The following RERE variants were observed in gnomAD, a reference collection of about 807,000 sequenced individuals.
RERE encodes arginine-glutamic acid dipeptide repeats.
A neutral mutation model predicts 146.1 loss-of-function variants in RERE; 40 were observed. The ratio of observed to expected loss-of-function variants is 0.27; its 90% CI spans 0.21 to 0.36. The LOEUF is 0.36. RERE is among the 10% of genes least tolerant of loss of function. The pLI, the probability that RERE is intolerant of heterozygous loss-of-function variation, is 1.00. For missense variants in RERE, 1,933 were observed against 2,138.7 expected, an observed-to-expected ratio of 0.90 and a Z score of 1.90; for synonymous variants, 1,003 against 866.0, an observed-to-expected ratio of 1.16 and a Z score of -2.78.
At chr1:8,712,101 CA>C (rs1046127173) in intron 1 of RERE, among the ~76,000 whole-genome samples, 44 of 152,234 alleles carry the variant, frequency 2.9e-4, no homozygotes, top group Middle Eastern at 3.4e-3. Context: ...CAGAAGACTC[CA>C]GTTAAAAATA....
chr1:8,759,187 T>C (rs1464317758), intron 1 of RERE, among the ~76,000 whole-genome samples: 4 of 152,212 alleles, frequency 2.6e-5, no homozygotes, highest in Non-Finnish European at 4.4e-5. Context: ...AAAGGTTATA[T>C]TTTTCCTTTA....
chr1:8,451,637 G>A (rs1644391925), intron 11 of RERE, among the ~76,000 whole-genome samples: 1 of 152,120 alleles, frequency 6.6e-6, no homozygotes, highest in African/African-American at 2.4e-5. Context: ...TGCTAATAGT[G>A]TGAAGTGCTG....
At chr1:8,367,497 G>A (rs992166612) in intron 12 of RERE, among the ~76,000 whole-genome samples, 1 of 152,194 alleles carries the variant, frequency 6.6e-6, no homozygotes, top group African/African-American at 2.4e-5. Context: ...AGCACTGGAC[G>A]TGTCTCAACC....
At chr1:8,736,292 C>T (rs565950091) in intron 1 of RERE, among the ~76,000 whole-genome samples, 19 of 152,110 alleles carry the variant, frequency 1.2e-4, no homozygotes, top group African/African-American at 2.4e-4. Flanking sequence ...CTGCAAGGTC[C>T]GCCTCCTGGG....
chr1:8,684,522 G>C (rs865979707), intron 1 of RERE, among the ~76,000 whole-genome samples: 4 of 152,030 alleles, frequency 2.6e-5, no homozygotes, highest in African/African-American at 9.7e-5. Context: ...ATCAGACACA[G>C]GAAAAGGGGG....
chr1:8,463,914 A>G (rs1453353341), intron 11 of RERE, among the ~76,000 whole-genome samples: 1 of 152,222 alleles, frequency 6.6e-6, no homozygotes, highest in African/African-American at 2.4e-5. Context: ...TTAAACGACC[A>G]CAGTCTATAC....
At chr1:8,486,755 T>TAAAAAAAAAAAAAAAAAAAA (rs33956517) in intron 10 of RERE, among the ~76,000 whole-genome samples, 1 of 122,330 alleles carries the variant, frequency 8.2e-6, no homozygotes, top group Non-Finnish European at 1.7e-5. Flanking sequence ...GAGTCCATCT[T>TAAAAAAAAAAAAAAAAAAAA]AAAAAAAAAA....
chr1:8,370,727 G>C (rs534241963), intron 12 of RERE, among the ~76,000 whole-genome samples: 2 of 152,180 alleles, frequency 1.3e-5, no homozygotes, highest in African/African-American at 2.4e-5. Context: ...GAAGCAGCTA[G>C]AGGCCTCGCC....
In RERE at chr1:8,355,506, A is replaced by C; in HGVS notation, c.4580T>G (p.Leu1527Arg). ...CTGCTGCTCCATGGCCAGTCTCTGC[A>C]GCTCGGCCGACTGGGCATGCATGGC... The part of the protein sequence containing the change: ...LQAMHAQSAE[L>R]QRLAMEQQWL... Residue 1527 changes from leucine to arginine, a missense_variant, in exon 22 of 23, where the codon CTG (leucine) becomes CGG (arginine). By Grantham distance (102) the Leu-to-Arg change is moderately radical. Transcript: ENST00000400908. The C allele has an allele frequency of 6.2e-7, 1 of 1,612,312 alleles. No individual in the cohort carries two copies. The highest frequency in any genetic ancestry group is 8.5e-7 in the Non-Finnish European group (1 of 1,179,756).
At chr1:8,616,125 GATA>G (rs1646849987) in intron 3 of RERE, among the ~76,000 whole-genome samples, 1 of 152,154 alleles carries the variant, frequency 6.6e-6, no homozygotes, top group African/African-American at 2.4e-5. Context: ...TGGACTTCTG[GATA>G]ATCTCTTCCA....
chr1:8,465,677 A>G (rs929737496), intron 11 of RERE: 3 of 591,678 alleles, frequency 5.1e-6, no homozygotes, highest in Admixed American at 2.3e-5. Flanking sequence ...GTAACTATCA[A>G]TTTCTCCTTT....
intron 6 of RERE, among the ~76,000 whole-genome samples, chr1:8,550,288 A>G (rs1295884213): frequency 6.6e-6 from 1 of 152,232 alleles, no homozygotes; most frequent in African/African-American, 2.4e-5. Context: ...TTCATCTACT[A>G]GTAGATTAAT....
chr1:8,542,013 T>C (rs926967719), intron 6 of RERE, among the ~76,000 whole-genome samples: 1 of 152,210 alleles, frequency 6.6e-6, no homozygotes, highest in Non-Finnish European at 1.5e-5. Flanking sequence ...TAAACCAACC[T>C]GTAGTTGAAA....
intron 12 of RERE, 134 bp from the exon 13 acceptor site, chr1:8,366,108 G>A (rs1641794647): frequency 1.1e-6 from 1 of 949,992 alleles, no homozygotes; most frequent in East Asian, 2.6e-5. Flanking sequence ...GTCGCTCCTG[G>A]AGTTGGGAGA....
chr1:8,588,036 T>G (rs2124089159), intron 4 of RERE, among the ~76,000 whole-genome samples: 1 of 152,222 alleles, frequency 6.6e-6, no homozygotes, highest in African/African-American at 2.4e-5. Context: ...ACACATTAAG[T>G]TCCCACTATG....
At chr1:8,426,732 C>CTGGAGG (rs1179019007) in intron 11 of RERE, among the ~76,000 whole-genome samples, 25 of 152,320 alleles carry the variant, frequency 1.6e-4, no homozygotes, top group Admixed American at 1.1e-3. Context: ...CTCCAGGATC[C>CTGGAGG]TGGCCCTGCC....
chr1:8,491,352 A>C (rs751989212), intron 10 of RERE, among the ~76,000 whole-genome samples: 2 of 152,190 alleles, frequency 1.3e-5, no homozygotes, highest in Non-Finnish European at 1.5e-5. Flanking sequence ...AGGCAGGAGA[A>C]TCGCTTGAAC....
chr1:8,651,267 G>A (rs767672215), intron 2 of RERE, among the ~76,000 whole-genome samples: 1 of 151,892 alleles, frequency 6.6e-6, no homozygotes. Flanking sequence ...ATTGTTAATA[G>A]GCCAGGTGTA....
intron 3 of RERE, among the ~76,000 whole-genome samples, chr1:8,622,347 T>G (rs1420427084): frequency 2.0e-5 from 3 of 152,048 alleles, no homozygotes; most frequent in African/African-American, 7.2e-5. Context: ...TTTTTCACGG[T>G]GCACTGATGT....
Sources: gnomAD v4.1 joint callset for allele counts (sites outside exome capture counted in the v4.1 genomes callset) on GRCh38, gnomAD v4.1.1 for gene constraint, MANE v1.5 for transcripts, NCBI Gene and HGNC (gene_info 2026-07-23, HGNC 2026-07-21) for gene names.